Variants in CYSLTR2 observed in about 807,000 individuals in gnomAD.
CYSLTR2 encodes G-protein coupled receptor GPCR21.
For synonymous variants in CYSLTR2, 179 were observed against 160.8 expected, an observed-to-expected ratio of 1.11 and a Z score of -0.86; for missense variants, 398 against 411.9, an observed-to-expected ratio of 0.97 and a Z score of 0.29.
chr13:48,709,324 T>C lies in CYSLTR2; in HGVS notation c.*1466T>C, dbSNP rs201969295. 51 of 167,094 alleles carry C rather than the reference T, an allele frequency of 3.1e-4. No homozygotes were observed. Among genetic ancestry groups the C allele is most frequent in the Non-Finnish European group, 2.6e-4 (18 of 68,132 alleles). 10.4% of individuals were successfully genotyped at this position (167,094 alleles called of 1,614,324 possible). A position where few individuals can be genotyped will look rare whatever the true frequency, so the allele number is the denominator to read the frequency against. Reference sequence around the variant, plus strand: ...AAAGGGTGGAGGTGATATGGCATTCTGAAAGTAGGGAGGGACTAAGTCAGT... The same window carrying C: ...AAAGGGTGGAGGTGATATGGCATTCCGAAAGTAGGGAGGGACTAAGTCAGT... On this transcript the variant is annotated 3_prime_UTR_variant, in exon 5 of 5. Coordinates refer to ENST00000682523, the MANE Select transcript of CYSLTR2 (RefSeq NM_001308476.3).
At chr13:48,681,763 T>G (rs933124861) in intron 1 of CYSLTR2, among the ~76,000 whole-genome samples, 1 of 152,192 alleles carries the variant, frequency 6.6e-6, no homozygotes, top group Non-Finnish European at 1.5e-5. Flanking sequence ...GTCCTGCCTC[T>G]CTCGAGCTGC....
chr13:48,673,740 T>C (rs563258099), intron 1 of CYSLTR2, among the ~76,000 whole-genome samples: 6 of 152,206 alleles, frequency 3.9e-5, no homozygotes, highest in Non-Finnish European at 8.8e-5. Flanking sequence ...CATTTTGGTA[T>C]GTTTTTGCAC....
chr13:48,695,248 T>A (rs2138957973), intron 3 of CYSLTR2, among the ~76,000 whole-genome samples: 1 of 151,682 alleles, frequency 6.6e-6, no homozygotes, highest in East Asian at 1.9e-4. Context: ...CTAATCTTTT[T>A]CATTTTCTTT....
At chr13:48,706,044 T>G (rs1954477256) in intron 4 of CYSLTR2, among the ~76,000 whole-genome samples, 2 of 149,484 alleles carry the variant, frequency 1.3e-5, no homozygotes, top group Admixed American at 6.7e-5. Flanking sequence ...TTGCCCCAGC[T>G]GGAGTGCAAT....
At chr13:48,697,906 G>A (rs1308621751) in intron 4 of CYSLTR2, among the ~76,000 whole-genome samples, 1 of 152,178 alleles carries the variant, frequency 6.6e-6, no homozygotes. Context: ...TCAAGTGGAA[G>A]AAAGGTTATC....
rs372682970 is a variant in CYSLTR2 at position 48,697,050 on chromosome 13, G to C, written c.-2+424G>C. Among the ~76,000 whole-genome samples the C allele has an allele frequency of 7.4e-4, 112 of 152,334 alleles. 1 individual carries two copies. The South Asian group carries it at 0.015, about 21-fold the overall frequency. ...GTGGAGCCCACCACAGCTCAAGGAG[G>C]CCTGTCTGCCTTTGTAGACTCCACC... On this transcript the variant is annotated intron_variant, in intron 4 of 4. Transcript: ENST00000682523.
rs558619862 is a variant in CYSLTR2 at position 48,682,153 on chromosome 13, G to C, written c.-265-9059G>C. Among the ~76,000 whole-genome samples, 26 of 152,202 alleles carry C rather than the reference G, an allele frequency of 1.7e-4. No homozygotes were observed. In the South Asian group the frequency reaches 3.7e-3, roughly 22 times the overall value. ...CTGGTTCTAGTGCCCTGCCCATCCA[G>C]AGCTGACACATAATTGTGACATTAA... On this transcript the variant is annotated intron_variant, in intron 1 of 4. Coordinates refer to ENST00000682523, the MANE Select transcript of CYSLTR2 (RefSeq NM_001308476.3).
chr13:48,670,691 T>C lies in CYSLTR2; in HGVS notation c.-266+16674T>C, dbSNP rs998576792. Among the ~76,000 whole-genome samples, 7 of 152,332 alleles carry C rather than the reference T, an allele frequency of 4.6e-5. No individual in the cohort carries two copies. In the East Asian group the frequency reaches 5.8e-4, roughly 13 times the overall value. On this transcript the variant is annotated intron_variant, in intron 1 of 4. Transcript: ENST00000682523. ...TTTTGGTTACTGTAGCCTTGTAGTA[T>C]AGTTTGAAGTCAGATAGTGTTATGC...
intron 1 of CYSLTR2, among the ~76,000 whole-genome samples, chr13:48,689,146 C>A (rs1953971219): frequency 6.6e-6 from 1 of 152,138 alleles, no homozygotes; most frequent in Non-Finnish European, 1.5e-5. Context: ...CTTGTAGATT[C>A]TGGATATTAG....
rs200821619 is a variant in CYSLTR2 at position 48,707,013 on chromosome 13, C to T, written c.196C>T (p.Pro66Ser). 124 of 1,614,016 alleles carry T rather than the reference C, an allele frequency of 7.7e-5. No homozygotes were observed. Among genetic ancestry groups the T allele is most frequent in the Non-Finnish European group, 1.0e-4 (122 of 1,180,038 alleles). The change falls in exon 5 of 5, where the codon CCT becomes TCT. Residue 66 changes from proline (P) to serine (S), a missense_variant. Pro to Ser is a moderately conservative substitution (Grantham distance 74, BLOSUM62 -1). Transcript: ENST00000682523. ...GTTGTCCATATATGTTTTCCTGCAG[C>T]CTTATAAGAAGTCCACATCTGTGAA... ...NGLSIYVFLQPYKKSTSVNVF... is the reference protein window; with the variant it reads ...NGLSIYVFLQSYKKSTSVNVF...
chr13:48,685,963 G>C (rs889152510), intron 1 of CYSLTR2, among the ~76,000 whole-genome samples: 1 of 152,134 alleles, frequency 6.6e-6, no homozygotes, highest in Non-Finnish European at 1.5e-5. Context: ...TCTCCAAGAG[G>C]GGCGTATTAG....
intron 1 of CYSLTR2, among the ~76,000 whole-genome samples, chr13:48,654,774 C>T (rs1424889855): frequency 6.6e-6 from 1 of 152,172 alleles, no homozygotes; most frequent in East Asian, 1.9e-4. Flanking sequence ...GAAAATTACC[C>T]CTAGAATAAC....
intron 3 of CYSLTR2, among the ~76,000 whole-genome samples, chr13:48,696,194 C>G (rs1277319188): frequency 6.6e-6 from 1 of 152,206 alleles, no homozygotes; most frequent in African/African-American, 2.4e-5. Flanking sequence ...TGTATATCCC[C>G]TGAAATGTTT....
chr13:48,697,123 G>C (rs1327438298), intron 4 of CYSLTR2, among the ~76,000 whole-genome samples: 1 of 152,214 alleles, frequency 6.6e-6, no homozygotes, highest in African/African-American at 2.4e-5. Context: ...AACTTCTGCA[G>C]ACTTAAACGT....
intron 1 of CYSLTR2, among the ~76,000 whole-genome samples, chr13:48,671,943 T>C (rs999539620): frequency 6.6e-6 from 1 of 152,054 alleles, no homozygotes; most frequent in Non-Finnish European, 1.5e-5. Flanking sequence ...CTATTAATTA[T>C]ACTGACTCAA....
chr13:48,673,433 C>CTTTTTTTTTTG (rs1953500473), intron 1 of CYSLTR2, among the ~76,000 whole-genome samples: 1 of 48,276 alleles, frequency 2.1e-5, no homozygotes, highest in African/African-American at 7.7e-5. Flanking sequence ...GTAACCCCGG[C>CTTTTTTTTTTG]TTTTTTTTTT....
At chr13:48,659,540 C>T (rs527480110) in intron 1 of CYSLTR2, among the ~76,000 whole-genome samples, 6 of 152,264 alleles carry the variant, frequency 3.9e-5, no homozygotes, top group Admixed American at 6.5e-5. Context: ...ATATGAAATG[C>T]TGTCTAGGGG....
chr13:48,701,169 T>C (rs1223248832), intron 4 of CYSLTR2, among the ~76,000 whole-genome samples: 2 of 152,200 alleles, frequency 1.3e-5, no homozygotes, highest in East Asian at 3.8e-4. Context: ...GAGCCCGCAT[T>C]GCCAAGACAA....
At position 48,707,216 on chromosome 13, in the gene CYSLTR2, T is replaced by C. The variant is rs1954519177; in HGVS notation, c.399T>C (p.Ser133=). 1 of 1,614,132 alleles carries C rather than the reference T, an allele frequency of 6.2e-7. No homozygotes were observed. Among genetic ancestry groups the C allele is most frequent in the East Asian group, 2.2e-5 (1 of 44,876 alleles). ...GTATTTATTTCCTGACCGTGCTGAG[T>C]GTTGTGCGTTTCCTGGCAATGGTTC... ...YSSIYFLTVL[S]VVRFLAMVHP... Residue 133 remains serine (S), a synonymous_variant, in exon 5 of 5, where the codon AGT becomes AGC. Coordinates refer to ENST00000682523, the MANE Select transcript of CYSLTR2 (RefSeq NM_001308476.3).
Sources: gnomAD v4.1 joint callset for allele counts (sites outside exome capture counted in the v4.1 genomes callset) on GRCh38, gnomAD v4.1.1 for gene constraint, MANE v1.5 for transcripts, NCBI Gene and HGNC (gene_info 2026-07-23, HGNC 2026-07-21) for gene names.